The following ADGRD2 variants were observed in gnomAD, a reference collection of about 807,000 sequenced individuals.
ADGRD2 encodes adhesion G protein-coupled receptor D2.
Under a neutral mutation model 44.4 loss-of-function variants are expected in ADGRD2, and 71 were observed. The observed-to-expected ratio is 1.60, with a 90% CI of 1.32 to 1.95. ADGRD2 has a LOEUF of 1.95. Ranked by LOEUF, ADGRD2 falls within the 30% of genes most tolerant of loss-of-function variation. The pLI is 0.00. For missense variants in ADGRD2, 1,039 were observed against 512.4 expected, an observed-to-expected ratio of 2.03 and a Z score of -9.92; for synonymous variants, 481 against 224.8, an observed-to-expected ratio of 2.14 and a Z score of -10.19.
Position 124,464,751 on chromosome 9 carries a change from C to G in ADGRD2, c.1871-1507C>G, listed in dbSNP as rs557389246. On this transcript the variant is annotated intron_variant, in intron 10 of 21. Transcript: ENST00000334810. Reference sequence around the variant, plus strand: ...AACACATTCATCATAACACATTCAACCCAGACCTAACTACTGTTAAGTTCA... The same window carrying G: ...AACACATTCATCATAACACATTCAAGCCAGACCTAACTACTGTTAAGTTCA... 1.2e-4 allele frequency among the ~76,000 whole-genome samples: 17 copies of G among 137,782 alleles called. No homozygotes were observed. The East Asian group carries it at 3.3e-3, about 27-fold the overall frequency. The allele number at this position is 137,782 out of a possible 152,430, so 90.4% of individuals were successfully genotyped here.
chr9:124,463,453 C>CT (rs1187513402), intron 10 of ADGRD2, among the ~76,000 whole-genome samples: 1 of 152,186 alleles, frequency 6.6e-6, no homozygotes, highest in Non-Finnish European at 1.5e-5. Context: ...CTTGTACTCT[C>CT]TTCCTCTGGT....
chr9:124,456,842 T>C (rs1831627004), intron 7 of ADGRD2, 109 bp downstream of exon 10: 1 of 674,514 alleles, frequency 1.5e-6, no homozygotes, highest in African/African-American at 1.8e-5. Context: ...ATTTCCTGCC[T>C]TTGCCCATGC....
chr9:124,456,168 T>C (rs1831612959), intron 6 of ADGRD2, among the ~76,000 whole-genome samples: 1 of 152,206 alleles, frequency 6.6e-6, no homozygotes, highest in Admixed American at 6.5e-5. Context: ...GCTAAGGCAA[T>C]GGAGAGGCGT....
exon 10 of ADGRD2, chr9:124,458,688 G>T: frequency 1.4e-6 from 1 of 718,598 alleles, no homozygotes; most frequent in Non-Finnish European, 2.6e-6. Context: ...AGGTCAACGT[G>T]GCCATGACCT....
chr9:124,454,723 C>T lies in ADGRD2; in HGVS notation c.1109-120C>T, dbSNP rs1312740497. 1.1e-5 allele frequency: 7 copies of T among 616,310 alleles called. No homozygotes were observed. Among genetic ancestry groups the T allele is most frequent in the Admixed American group, 2.6e-5 (1 of 38,002 alleles). The allele number at this position is 616,310 out of a possible 1,614,324, so 38.2% of individuals were successfully genotyped here. ...CTATTCTGTAGCCCCTGAGAGTTGG[C>T]GGCTTGTGACAAGTTTAATGGGTGC... On this transcript the variant is annotated intron_variant, in intron 5 of 21. Coordinates refer to ENST00000334810, the Ensembl canonical transcript of ADGRD2. The surrounding 1 kb of genome is among the most constrained non-coding windows in gnomAD (Gnocchi z 4.5).
At chr9:124,453,634 C>T in exon 3 of ADGRD2, 1 of 701,468 alleles carries the variant, frequency 1.4e-6, no homozygotes, top group Non-Finnish European at 2.6e-6. Context: ...GGACGTCACG[C>T]CCTCGCTGCT....
At chr9:124,460,374 G>GTATATATATATA (rs3050260) in intron 10 of ADGRD2, among the ~76,000 whole-genome samples, 1 of 80,272 alleles carries the variant, frequency 1.2e-5, no homozygotes, top group African/African-American at 5.7e-5. Context: ...AGCTAATTTT[G>GTATATATATATA]TATATATATA....
intron 19 of ADGRD2, 40 bp downstream of exon 22, chr9:124,475,655 C>A (rs1330537269): frequency 1.6e-6 from 1 of 612,768 alleles, no homozygotes; most frequent in East Asian, 3.0e-5. Context: ...GGCGGGAGGC[C>A]CCCAGAGCCA....
At chr9:124,466,006 A>C in intron 10 of ADGRD2, 4 of 306,568 alleles carry the variant, frequency 1.3e-5, no homozygotes, top group Non-Finnish European at 1.8e-5. Context: ...GAGGTAGGGA[A>C]CCTTGGTCCC....
chr9:124,458,827 C>T (rs1032963965), intron 10 of ADGRD2, 106 bp downstream of exon 13: 2 of 632,084 alleles, frequency 3.2e-6, no homozygotes, highest in Admixed American at 4.9e-5. Context: ...CCTAATAATG[C>T]ACACAAAAGG....
intron 17 of ADGRD2, 66 bp from the exon 21 acceptor site, chr9:124,475,380 A>C: frequency 1.5e-6 from 1 of 678,976 alleles, no homozygotes; most frequent in Non-Finnish European, 2.7e-6. Flanking sequence ...GACCCCAGGC[A>C]AGGCCAGGCT....
At chr9:124,467,721 A>G in exon 12 of ADGRD2, 1 of 718,328 alleles carries the variant, frequency 1.4e-6, no homozygotes, top group Non-Finnish European at 2.6e-6. Flanking sequence ...CTCCACACAG[A>G]GAGGCCCTGA....
At chr9:124,474,648 G>A (rs1233671684) in intron 17 of ADGRD2, among the ~76,000 whole-genome samples, 1 of 152,204 alleles carries the variant, frequency 6.6e-6, no homozygotes, top group Non-Finnish European at 1.5e-5. Flanking sequence ...CTGGGCCGCA[G>A]CACAGAAGCA....
At chr9:124,452,961 C>A (rs1831519489) in intron 2 of ADGRD2, 74 bp from the exon 6 acceptor site, 3 of 606,104 alleles carry the variant, frequency 4.9e-6, no homozygotes, top group South Asian at 3.9e-5. Context: ...GACCCCACCG[C>A]TGAGCCAAAG....
At chr9:124,456,047 G>C (rs978741009) in intron 6 of ADGRD2, among the ~76,000 whole-genome samples, 1 of 152,244 alleles carries the variant, frequency 6.6e-6, no homozygotes, top group Non-Finnish European at 1.5e-5. Context: ...GTCCTGGGAA[G>C]TGTGCAAGCC....
At chr9:124,452,774 C>A in intron 2 of ADGRD2, 52 bp downstream of exon 5, 1 of 687,704 alleles carries the variant, frequency 1.5e-6, no homozygotes. Flanking sequence ...CTCTGGTGAC[C>A]TTCAGATATA....
At position 124,475,428 on chromosome 9, in the gene ADGRD2, C is replaced by T. The variant is rs901523981; in HGVS notation, c.2759-18C>T. The T allele has an allele frequency of 9.9e-6, 7 of 710,156 alleles. No individual in the cohort carries two copies. Among genetic ancestry groups the T allele is most frequent in the East Asian group, 2.7e-5 (1 of 36,754 alleles). 44.0% of individuals were successfully genotyped at this position (710,156 alleles called of 1,614,324 possible). Reference sequence around the variant, plus strand: ...GTAGGAGGCTCCGGGCTGAGGCACTCGCTGGGTCTGTCCTCAGGGGCTGTA... The same window carrying T: ...GTAGGAGGCTCCGGGCTGAGGCACTTGCTGGGTCTGTCCTCAGGGGCTGTA... On this transcript the variant is annotated intron_variant, in intron 17 of 21. Transcript: ENST00000334810.
intron 10 of ADGRD2, among the ~76,000 whole-genome samples, chr9:124,461,967 G>A (rs55793736): frequency 4.0e-5 from 6 of 151,690 alleles, no homozygotes; most frequent in East Asian, 2.0e-4. Context: ...GGCTGGTCTC[G>A]AACTCCTGAC....
upstream of ADGRD2, chr9:124,451,813 A>C: frequency 2.3e-6 from 1 of 438,346 alleles, no homozygotes; most frequent in Non-Finnish European, 4.2e-6. Flanking sequence ...AATGTTATCC[A>C]AGATAAGTCC....
Sources: gnomAD v4.1 joint callset for allele counts (sites outside exome capture counted in the v4.1 genomes callset) on GRCh38, gnomAD v4.1.1 for gene constraint, Gnocchi (gnomAD v3.1) non-coding constraint, MANE v1.5 for transcripts, NCBI Gene and HGNC (gene_info 2026-07-23, HGNC 2026-07-21) for gene names.